MCM3: variants seen among roughly 807,000 people sequenced by gnomAD.
MCM3 encodes DNA replication licensing factor MCM3.
MCM3 carries 59 observed loss-of-function variants against 91.3 expected under a neutral mutation model. The observed-to-expected ratio is 0.65, with a 90% CI of 0.52 to 0.80. The LOEUF is 0.80. Ranked by LOEUF, MCM3 falls within the 30% of genes least tolerant of loss-of-function variation. The probability of loss-of-function intolerance (pLI) is 0.00; values close to 1 mark genes in which losing one functional copy is unlikely to be tolerated. For synonymous variants in MCM3, 383 were observed against 379.6 expected (o/e 1.01, Z -0.10); for missense variants, 919 against 1,035.4 (o/e 0.89, Z 1.54).
chr6:52,264,727 AT>A lies in MCM3; in HGVS notation c.2287del (p.Ile763SerfsTer3). On this transcript the variant is annotated frameshift_variant, in exon 17 of 17. Transcript: ENST00000596288. LOFTEE classifies it high-confidence loss of function. ...GGATTCTGTGAGGCGATTCATGCCG[AT>A]TGACTGCGCATGAGCTTCCCGGAAC... The part of the protein sequence containing the change: ...DVFREAHAQS[I>X]GMNRLTESIN... The A allele has an allele frequency of 6.2e-7, 1 of 1,614,154 alleles. No homozygotes were observed. The highest frequency in any genetic ancestry group is 1.1e-5 in the South Asian group (1 of 91,072).
At chr6:52,271,362 G>A (rs981108881) in intron 12 of MCM3, among the ~76,000 whole-genome samples, 5 of 151,958 alleles carry the variant, frequency 3.3e-5, no homozygotes, top group South Asian at 2.1e-4. Flanking sequence ...ACAAATTTGG[G>A]CCGGGCATGG....
intron 14 of MCM3, among the ~76,000 whole-genome samples, chr6:52,267,348 G>A (rs1398938388): frequency 6.6e-6 from 1 of 151,678 alleles, no homozygotes; most frequent in Admixed American, 6.6e-5. Context: ...CGCCTGCCTC[G>A]GCCTCCCAAA....
intron 6 of MCM3, among the ~76,000 whole-genome samples, chr6:52,278,142 T>A (rs1162354329): frequency 6.9e-6 from 1 of 144,040 alleles, no homozygotes; most frequent in African/African-American, 2.6e-5. Flanking sequence ...TGTTCCTAAC[T>A]GCAAAAAATT....
At chr6:52,265,444 T>C (rs1764570692) in intron 16 of MCM3, 1 of 184,156 alleles carries the variant, frequency 5.4e-6, no homozygotes, top group South Asian at 8.9e-5. Flanking sequence ...TGCACTCCGG[T>C]CTCAAAAAAA....
chr6:52,270,460 T>C (rs1280606898), intron 12 of MCM3, among the ~76,000 whole-genome samples: 1 of 152,182 alleles, frequency 6.6e-6, no homozygotes, highest in Non-Finnish European at 1.5e-5. Context: ...TTACCATGTA[T>C]ATCCACAATG....
At chr6:52,279,945 T>C (rs1485037895) in intron 4 of MCM3, among the ~76,000 whole-genome samples, 2 of 152,242 alleles carry the variant, frequency 1.3e-5, no homozygotes, top group Admixed American at 6.5e-5. Flanking sequence ...GTAATGCTCA[T>C]AGCAACATTA....
In MCM3 at chr6:52,279,420, C is replaced by T. The variant is rs1281106161; in HGVS notation, c.711G>A (p.Val237=). The T allele has an allele frequency of 1.9e-6, 3 of 1,614,170 alleles. No individual in the cohort carries two copies. In the South Asian group the frequency reaches 3.3e-5, roughly 18 times the overall value. Residue 237 remains valine (V), a synonymous_variant, in exon 5 of 17, where the codon GTG becomes GTA. Coordinates refer to ENST00000596288, the MANE Select transcript of MCM3 (RefSeq NM_002388.6). ...CAGGAAGGCAACGGTAGGTTCCCAC[C>T]ACCTGAACCCGGTCACCAGGCTTCG... ...DKAKPGDRVQ[V]VGTYRCLPGK...
chr6:52,272,589 T>C lies in MCM3; in HGVS notation c.1677-138A>G, dbSNP rs1018759427. On this transcript the variant is annotated intron_variant, in intron 11 of 16. Coordinates refer to ENST00000596288, the MANE Select transcript of MCM3 (RefSeq NM_002388.6). ...TCATAACTCCCATTTATATGGAACA[T>C]AGACAAGACTCTTTCACATATTTTT... is the stretch of plus-strand genomic sequence containing the variant. 4.1e-6 allele frequency: 3 copies of C among 729,278 alleles called. No individual in the cohort carries two copies. The African/African-American group carries it at 5.4e-5, about 13-fold the overall frequency. 45.2% of individuals were successfully genotyped at this position (729,278 alleles called of 1,614,324 possible). A position where few individuals can be genotyped will look rare whatever the true frequency, so the allele number is the denominator to read the frequency against.
intron 4 of MCM3, among the ~76,000 whole-genome samples, chr6:52,280,626 A>G (rs1766008359): frequency 6.6e-6 from 1 of 152,350 alleles, no homozygotes; most frequent in Admixed American, 6.5e-5. Flanking sequence ...ATCTGGTCCA[A>G]TGTATTTCAC....
chr6:52,275,800 C>T (rs1447729982), intron 9 of MCM3, among the ~76,000 whole-genome samples: 1 of 152,204 alleles, frequency 6.6e-6, no homozygotes, highest in East Asian at 1.9e-4. Context: ...TAGCACATCA[C>T]AGTCATGGTA....
rs1183356722 is a variant in MCM3, at chr6:52,264,743, C to T, written c.2272G>A (p.Ala758Thr). Reference sequence around the variant, plus strand: ...TTCATGCCGATTGACTGCGCATGAGCTTCCCGGAACACATCCAAGAGGGCC... The same window carrying T: ...TTCATGCCGATTGACTGCGCATGAGTTTCCCGGAACACATCCAAGAGGGCC... Reference protein sequence around the residue: ...KVALLDVFREAHAQSIGMNRL... With the variant: ...KVALLDVFRETHAQSIGMNRL... Residue 758 changes from alanine (A) to threonine (T), a missense_variant, in exon 17 of 17, where the codon GCT becomes ACT. Physicochemically the swap from Ala to Thr is moderately conservative, Grantham distance 58 (BLOSUM62 0). Transcript: ENST00000596288. 1.2e-6 allele frequency: 2 copies of T among 1,614,180 alleles called. No homozygotes were observed. The highest frequency in any genetic ancestry group is 2.7e-5 in the African/African-American group (2 of 75,052).
chr6:52,276,033 G>A (rs1765525797), intron 9 of MCM3: 1 of 523,550 alleles, frequency 1.9e-6, no homozygotes, highest in Non-Finnish European at 3.4e-6. Context: ...TAAATGGACT[G>A]TTTAACTGTA....
chr6:52,281,322 ACTT>A (rs1331193844), intron 4 of MCM3, among the ~76,000 whole-genome samples: 30 of 152,354 alleles, frequency 2.0e-4, no homozygotes, highest in South Asian at 6.2e-4. Context: ...TATGTAGATG[ACTT>A]CTTCTTTTGA....
At chr6:52,265,285 G>A in intron 16 of MCM3, 1 of 441,448 alleles carries the variant, frequency 2.3e-6, no homozygotes, top group South Asian at 1.6e-5. Flanking sequence ...AAGCACAGTG[G>A]CTTATGCCTG....
At chr6:52,277,748 C>T in intron 6 of MCM3, 60 bp from the exon 7 acceptor site, 1 of 1,514,422 alleles carries the variant, frequency 6.6e-7, no homozygotes. Context: ...TGTGGAGCTC[C>T]ACTTTATATA....
chr6:52,273,319 T>G lies in MCM3; in HGVS notation c.1587A>C (p.Thr529=). The change falls in exon 11 of 17, where the codon ACA becomes ACC. Residue 529 remains threonine (T), a synonymous_variant. Coordinates refer to ENST00000596288, the MANE Select transcript of MCM3 (RefSeq NM_002388.6). ...PLGSAVDILA[T]DDPNFSQEDQ... ...CTTCCTGGCTAAAGTTGGGATCATCTGTGGCCAGGATATCCACAGCACTAC... is the reference window on the plus strand; with the variant it reads ...CTTCCTGGCTAAAGTTGGGATCATCGGTGGCCAGGATATCCACAGCACTAC... 1 of 1,614,234 alleles carries G rather than the reference T, an allele frequency of 6.2e-7. No homozygotes were observed. The highest frequency in any genetic ancestry group is 8.5e-7 in the Non-Finnish European group (1 of 1,180,042).
Position 52,284,654 on chromosome 6 carries a change from C to G in MCM3, c.21G>C (p.Leu7=). 1 of 1,599,272 alleles carries G rather than the reference C, an allele frequency of 6.3e-7. No individual in the cohort carries two copies. Among genetic ancestry groups the G allele is most frequent in the African/African-American group, 1.3e-5 (1 of 74,686 alleles). Residue 7 remains leucine, a synonymous_variant, in exon 1 of 17, where the codon CTG becomes CTC. Coordinates refer to ENST00000596288, the MANE Select transcript of MCM3 (RefSeq NM_002388.6). ...GAGCCTCCCGCAGCTCCACATCGTC[C>G]AGCACCACGGTACCCGCCATGCCCG... The part of the protein sequence containing the change: MAGTVV[L]DDVELREAQR...
intron 12 of MCM3, among the ~76,000 whole-genome samples, chr6:52,270,299 A>G (rs1274984317): frequency 1.3e-5 from 2 of 149,056 alleles, no homozygotes; most frequent in East Asian, 4.0e-4. Flanking sequence ...ACTGCACTCC[A>G]GCCTGGGCAA....
Position 52,264,547 on chromosome 6 carries a change from A to C in MCM3, c.*41T>G. ...AGGGAGAGGGTGGGAAACACAGAAC[A>C]AACTCTCTCGGCACAACCCAAGTTC... On this transcript the variant is annotated 3_prime_UTR_variant, in exon 17 of 17. Transcript: ENST00000596288. 6.2e-7 allele frequency: 1 copy of C among 1,608,956 alleles called. No individual in the cohort carries two copies. Among genetic ancestry groups the C allele is most frequent in the Non-Finnish European group, 8.5e-7 (1 of 1,175,628 alleles).
Sources: gnomAD v4.1 joint callset for allele counts (sites outside exome capture counted in the v4.1 genomes callset) on GRCh38, gnomAD v4.1.1 for gene constraint, MANE v1.5 for transcripts, NCBI Gene and HGNC (gene_info 2026-07-23, HGNC 2026-07-21) for gene names.